The following PACSIN2 variants were observed in gnomAD, a reference collection of about 807,000 sequenced individuals.
The protein encoded by PACSIN2 is protein kinase C and casein kinase substrate in neurons protein 2.
A neutral mutation model predicts 63.8 loss-of-function variants in PACSIN2; 25 were observed. The observed-to-expected ratio is 0.39, with a 90% CI of 0.29 to 0.55. The LOEUF (loss-of-function observed/expected upper bound fraction) is 0.55. Ranked by LOEUF, PACSIN2 falls within the 20% of genes least tolerant of loss-of-function variation. The pLI is 0.62. For missense variants in PACSIN2, 518 were observed against 646.9 expected, an observed-to-expected ratio of 0.80 and a Z score of 2.16; for synonymous variants, 255 against 256.2, an observed-to-expected ratio of 1.00 and a Z score of 0.05.
At chr22:42,976,774 T>C (rs9607988) in intron 1 of PACSIN2, among the ~76,000 whole-genome samples, 3,872 of 152,290 alleles carry the variant, frequency 0.025, 64 homozygotes, top group Non-Finnish European at 0.031. Flanking sequence ...CGTCCTTCCA[T>C]CAACCCTATA....
At chr22:42,936,006 G>A (rs952822848) in intron 1 of PACSIN2, among the ~76,000 whole-genome samples, 2 of 152,136 alleles carry the variant, frequency 1.3e-5, no homozygotes, top group African/African-American at 2.4e-5. Context: ...AAGGTCAGGA[G>A]ATCGAGACCA....
chr22:42,991,567 A>C (rs1469187228), intron 1 of PACSIN2, among the ~76,000 whole-genome samples: 1 of 152,242 alleles, frequency 6.6e-6, no homozygotes, highest in Non-Finnish European at 1.5e-5. Context: ...TCCAGCGGGC[A>C]TCGCCCAGTC....
Position 42,963,304 on chromosome 22 carries a change from T to C in PACSIN2, c.-77-51147A>G, listed in dbSNP as rs540606752. Reference sequence around the variant, plus strand: ...GTGCAACCAGCCTACTCAAACCATGTGGATTAAGGCGGAAGAAAATTCAGA... The same window carrying C: ...GTGCAACCAGCCTACTCAAACCATGCGGATTAAGGCGGAAGAAAATTCAGA... On this transcript the variant is annotated intron_variant, in intron 1 of 10. Transcript: ENST00000263246. 9.2e-5 allele frequency among the ~76,000 whole-genome samples: 14 copies of C among 152,280 alleles called. No individual in the cohort carries two copies. In the South Asian group the frequency reaches 2.9e-3, roughly 32 times the overall value.
At chr22:42,940,458 T>G (rs1167896204) in intron 1 of PACSIN2, among the ~76,000 whole-genome samples, 1 of 152,116 alleles carries the variant, frequency 6.6e-6, no homozygotes, top group African/African-American at 2.4e-5. Context: ...TCAAACTTCC[T>G]CCTCAATCCA....
intron 10 of PACSIN2, among the ~76,000 whole-genome samples, chr22:42,875,154 T>A (rs909118285): frequency 4.2e-5 from 2 of 47,718 alleles, no homozygotes; most frequent in African/African-American, 1.5e-4. Flanking sequence ...CCAGCCTACT[T>A]TTTTTTTTTT....
At chr22:42,922,625 G>A (rs1394440624) in intron 1 of PACSIN2, among the ~76,000 whole-genome samples, 1 of 152,228 alleles carries the variant, frequency 6.6e-6, no homozygotes, top group Non-Finnish European at 1.5e-5. Flanking sequence ...CACTATCTGG[G>A]GGGAGATTCT....
intron 1 of PACSIN2, among the ~76,000 whole-genome samples, chr22:42,958,019 T>C (rs1239310388): frequency 6.6e-6 from 1 of 151,988 alleles, no homozygotes; most frequent in Non-Finnish European, 1.5e-5. Context: ...ATGCAAATGG[T>C]ACTTACAGCA....
At chr22:42,897,773 T>C (rs1172148696) in intron 2 of PACSIN2, among the ~76,000 whole-genome samples, 1 of 152,076 alleles carries the variant, frequency 6.6e-6, no homozygotes, top group Non-Finnish European at 1.5e-5. Context: ...CTGAACGCAA[T>C]ATCCAAAGGG....
rs766988813 is a variant in PACSIN2, at chr22:42,884,508, C to T, written c.663G>A (p.Gln221=). 3 of 1,614,204 alleles carry T rather than the reference C, an allele frequency of 1.9e-6. No homozygotes were observed. The highest frequency in any genetic ancestry group is 1.1e-5 in the South Asian group (1 of 91,084). Residue 221 remains glutamine, a synonymous_variant, in exon 6 of 11, where the codon CAG becomes CAA. Coordinates refer to ENST00000263246, the MANE Select transcript of PACSIN2 (RefSeq NM_001184970.3). ...ACACCTGCTCCATGTTCTCCATGTACTGGGGTGTGCCCTGGTCGAGTTCCT... is the reference window on the plus strand; with the variant it reads ...ACACCTGCTCCATGTTCTCCATGTATTGGGGTGTGCCCTGGTCGAGTTCCT... The part of the protein sequence containing the change: ...SLKELDQGTP[Q]YMENMEQVFE...
At chr22:42,966,052 T>C (rs1020262516) in intron 1 of PACSIN2, among the ~76,000 whole-genome samples, 4 of 152,214 alleles carry the variant, frequency 2.6e-5, no homozygotes, top group African/African-American at 7.2e-5. Flanking sequence ...TAGCCTTTCA[T>C]ATGTTTCATG....
intron 1 of PACSIN2, among the ~76,000 whole-genome samples, chr22:42,944,983 A>C (rs2146812638): frequency 6.6e-6 from 1 of 152,154 alleles, no homozygotes; most frequent in East Asian, 1.9e-4. Flanking sequence ...CTGTAGTTTC[A>C]GCTACTCAGG....
chr22:42,903,600 C>T (rs1930854527), intron 2 of PACSIN2, among the ~76,000 whole-genome samples: 1 of 152,188 alleles, frequency 6.6e-6, no homozygotes, highest in African/African-American at 2.4e-5. Flanking sequence ...TGTCTCAGCC[C>T]TGGAATGTAG....
At chr22:42,916,544 C>A (rs1931821739) in intron 1 of PACSIN2, among the ~76,000 whole-genome samples, 1 of 152,132 alleles carries the variant, frequency 6.6e-6, no homozygotes, top group South Asian at 2.1e-4. Flanking sequence ...CACCTCACCC[C>A]TCCCACGGCA....
chr22:42,952,624 T>C (rs1240435080), intron 1 of PACSIN2, among the ~76,000 whole-genome samples: 1 of 151,716 alleles, frequency 6.6e-6, no homozygotes, highest in Non-Finnish European at 1.5e-5. Context: ...CCCAAAGTGC[T>C]GGGATTATAG....
intron 1 of PACSIN2, among the ~76,000 whole-genome samples, chr22:43,008,526 G>T (rs1017584144): frequency 6.6e-6 from 1 of 152,230 alleles, no homozygotes; most frequent in African/African-American, 2.4e-5. Context: ...TGGAATTACA[G>T]GCGTTAGCCA....
intron 2 of PACSIN2, among the ~76,000 whole-genome samples, chr22:42,904,262 A>G (rs1446358721): frequency 1.3e-5 from 2 of 152,188 alleles, no homozygotes; most frequent in African/African-American, 2.4e-5. Context: ...GACACCCTAC[A>G]TGGCGTTCAC....
At chr22:42,917,169 C>A (rs538358305) in intron 1 of PACSIN2, among the ~76,000 whole-genome samples, 1 of 152,286 alleles carries the variant, frequency 6.6e-6, no homozygotes, top group East Asian at 1.9e-4. Context: ...AAGCAAGGAA[C>A]CTGGGGCATA....
chr22:43,010,385 CAT>C (rs1253098949), intron 1 of PACSIN2, among the ~76,000 whole-genome samples: 1 of 66,056 alleles, frequency 1.5e-5, no homozygotes, highest in Non-Finnish European at 3.1e-5. Context: ...TTTAAAAATA[CAT>C]ATATATATAT....
intron 1 of PACSIN2, among the ~76,000 whole-genome samples, chr22:43,011,641 C>T (rs1011278809): frequency 3.3e-5 from 5 of 152,216 alleles, no homozygotes; most frequent in African/African-American, 9.6e-5. Flanking sequence ...ATCTGCGAGG[C>T]CGAGGCGGGC....
Sources: allele counts gnomAD v4.1 joint callset (sites outside exome capture counted in the v4.1 genomes callset), GRCh38; gene constraint gnomAD v4.1.1; transcripts MANE v1.5; gene names NCBI Gene and HGNC (gene_info 2026-07-23, HGNC 2026-07-21).